The following CD36 variants were observed in gnomAD, a reference collection of about 807,000 sequenced individuals.
CD36 encodes the protein CD36 molecule (CD36 blood group).
A neutral mutation model predicts 55.2 loss-of-function variants in CD36; 119 were observed. That is an observed-to-expected ratio of 2.15 (90% CI 1.86 to 2.51). CD36 has a LOEUF of 2.51. Among genes scored for constraint, CD36 ranks in the 30% most tolerant of loss-of-function variants. CD36 has a pLI of 0.00. For missense variants in CD36, 819 were observed against 555.5 expected (o/e 1.47, Z -4.77); for synonymous variants, 186 against 193.6 (o/e 0.96, Z 0.33).
Position 80,656,593 on chromosome 7 carries a change from C to T in CD36, c.174C>T (p.Gly58=), listed in dbSNP as rs150750507. The part of the protein sequence containing the change: ...TIAFKNWVKT[G]TEVYRQFWIF... ...CTTTTAAAAATTGGGTTAAAACAGG[C>T]ACAGAAGTTTACAGACAGTTTTGGA... Residue 58 remains glycine (G), a synonymous_variant, in exon 4 of 15, where the codon GGC becomes GGT. Coordinates refer to ENST00000447544, the MANE Select transcript of CD36 (RefSeq NM_001001548.3). 6.2e-7 allele frequency: 1 copy of T among 1,613,636 alleles called. No homozygotes were observed. Among genetic ancestry groups the T allele is most frequent in the African/African-American group, 1.3e-5 (1 of 75,004 alleles).
intron 1 of CD36, among the ~76,000 whole-genome samples, chr7:80,626,992 AG>A: frequency 6.6e-6 from 1 of 152,060 alleles, no homozygotes; most frequent in East Asian, 1.9e-4. Flanking sequence ...TTTTTATCAC[AG>A]TCAATAGCAG....
rs1165767460 is a variant in CD36 at position 80,667,747 on chromosome 7, G to GTTTTTT, written c.748+1274_748+1279dup. Among the ~76,000 whole-genome samples, 348 of 82,598 alleles carry GTTTTTT rather than the reference G, an allele frequency of 4.2e-3. 7 individuals carry two copies. The highest frequency in any genetic ancestry group is 6.3e-3 in the Admixed American group (51 of 8,064). 54.2% of individuals were successfully genotyped at this position (82,598 alleles called of 152,430 possible). On this transcript the variant is annotated intron_variant, in intron 8 of 14. Transcript: ENST00000447544. ...GTTGGATTTGCAGGGGTTTTCTTTT[G>GTTTTTT]TTTTTTTTTTTTTTTTTTTTTGAGA...
At position 80,638,700 on chromosome 7, in the gene CD36, A is replaced by G. The variant is rs1014815415; in HGVS notation, c.-230A>G. Reference sequence around the variant, plus strand: ...CATTTGATCCTATTAAGAATTGTCCAAATGTTGGAGCATTTGATTGAAAAA... The same window carrying G: ...CATTTGATCCTATTAAGAATTGTCCGAATGTTGGAGCATTTGATTGAAAAA... On this transcript the variant is annotated 5_prime_UTR_variant, in exon 1 of 15. Coordinates refer to ENST00000447544, the MANE Select transcript of CD36 (RefSeq NM_001001548.3). The G allele has an allele frequency of 6.6e-5, 10 of 152,070 alleles. No individual in the cohort carries two copies. Among genetic ancestry groups the G allele is most frequent in the African/African-American group, 2.4e-4 (10 of 41,538 alleles). 9.4% of individuals were successfully genotyped at this position (152,070 alleles called of 1,614,324 possible).
chr7:80,663,297 T>C (rs1043394636), intron 6 of CD36, 128 bp downstream of exon 6: 5 of 803,976 alleles, frequency 6.2e-6, no homozygotes, highest in Non-Finnish European at 1.0e-5. Context: ...ATATCCTAAC[T>C]TTTTAAAAAG....
intron 1 of CD36, among the ~76,000 whole-genome samples, chr7:80,619,561 C>T (rs1036801159): frequency 4.0e-5 from 6 of 150,000 alleles, no homozygotes; most frequent in African/African-American, 9.8e-5. Flanking sequence ...GCAGGAGAAT[C>T]GCTTGAACCC....
At chr7:80,618,211 G>A (rs113135983) in intron 1 of CD36, among the ~76,000 whole-genome samples, 1 of 152,082 alleles carries the variant, frequency 6.6e-6, no homozygotes, top group Non-Finnish European at 1.5e-5. Context: ...ACCTCACAGA[G>A]CATCATTTTT....
intron 1 of CD36, among the ~76,000 whole-genome samples, chr7:80,603,572 CAA>C (rs1326274713): frequency 6.6e-6 from 1 of 151,840 alleles, no homozygotes; most frequent in Non-Finnish European, 1.5e-5. Flanking sequence ...GTAATCCTGA[CAA>C]GAGGAAAGGA....
chr7:80,606,841 C>A (rs1437187829), intron 1 of CD36, among the ~76,000 whole-genome samples: 1 of 152,148 alleles, frequency 6.6e-6, no homozygotes, highest in African/African-American at 2.4e-5. Flanking sequence ...TGGTTACCAG[C>A]TGGTGGTAAA....
intron 1 of CD36, among the ~76,000 whole-genome samples, chr7:80,606,844 G>C (rs1032156241): frequency 2.6e-5 from 4 of 152,134 alleles, no homozygotes; most frequent in Non-Finnish European, 5.9e-5. Context: ...TTACCAGCTG[G>C]TGGTAAAAGT....
Position 80,610,732 on chromosome 7 carries a change from G to A in CD36, c.-184+8353G>A, listed in dbSNP as rs561724813. Among the ~76,000 whole-genome samples, 318 of 152,052 alleles carry A rather than the reference G, an allele frequency of 2.1e-3. 1 individual carries two copies. Among genetic ancestry groups the A allele is most frequent in the African/African-American group, 7.2e-3 (300 of 41,480 alleles). ...TGGGACTACAGGCGCCCGCCACCAC[G>A]CCTGGCTAATTTTTTGGATTTTTAC... On this transcript the variant is annotated intron_variant, in intron 1 of 13. Coordinates refer to the CD36 transcript ENST00000309881.
rs958616073 is a variant in CD36 at position 80,670,985 on chromosome 7, A to G, written c.827A>G (p.Tyr276Cys). 3.7e-6 allele frequency: 6 copies of G among 1,611,482 alleles called. No individual in the cohort carries two copies. In the Admixed American group the frequency reaches 5.0e-5, roughly 13 times the overall value. ...FFSSDICRSI[Y>C]AVFESDVNLK... is the part of the protein sequence containing the mutation. ...TTTTTCTCTGTATTTAGGTCAATCT[A>G]TGCTGTATTTGAATCCGACGTTAAT... is the stretch of plus-strand genomic sequence containing the variant. The change falls in exon 10 of 15, where the codon TAT becomes TGT. Residue 276 changes from tyrosine (Y) to cysteine (C), a missense_variant. By Grantham distance (194) the Tyr-to-Cys change is radical. Coordinates refer to ENST00000447544, the MANE Select transcript of CD36 (RefSeq NM_001001548.3).
intron 1 of CD36, among the ~76,000 whole-genome samples, chr7:80,642,873 ACTGT>A (rs1794911499): frequency 6.6e-6 from 1 of 152,184 alleles, no homozygotes; most frequent in Non-Finnish European, 1.5e-5. Flanking sequence ...TAGATTGAGA[ACTGT>A]CTAACCATAG....
At chr7:80,612,059 T>G (rs1484592015) in intron 1 of CD36, among the ~76,000 whole-genome samples, 2 of 152,224 alleles carry the variant, frequency 1.3e-5, no homozygotes, top group Non-Finnish European at 2.9e-5. Flanking sequence ...CAGCAAGACC[T>G]AGCTAATAAT....
chr7:80,626,964 A>G (rs1793778026), intron 1 of CD36, among the ~76,000 whole-genome samples: 1 of 151,968 alleles, frequency 6.6e-6, no homozygotes, highest in African/African-American at 2.4e-5. Context: ...TTATCTCCCT[A>G]TTGATTCCAA....
intron 1 of CD36, among the ~76,000 whole-genome samples, chr7:80,631,055 G>A (rs552430797): frequency 6.6e-6 from 1 of 151,996 alleles, no homozygotes; most frequent in Non-Finnish European, 1.5e-5. Flanking sequence ...CATCGTGTCC[G>A]AGAAGTCTCT....
rs941185587 is a variant in CD36 at position 80,673,868 on chromosome 7, G to A, written c.1255-115G>A. ...AGGAATTCCATTAACTTGCCTTATA[G>A]ATACTGATGACTAACACCAATAGAG... On this transcript the variant is annotated intron_variant, in intron 13 of 14. Transcript: ENST00000447544. 61 of 782,680 alleles carry A rather than the reference G, an allele frequency of 7.8e-5. 2 individuals are homozygous for A. In the South Asian group the frequency reaches 8.0e-4, roughly 10 times the overall value. 48.5% of individuals were successfully genotyped at this position (782,680 alleles called of 1,614,324 possible). A position where few individuals can be genotyped will look rare whatever the true frequency, so the allele number is the denominator to read the frequency against.
intron 4 of CD36, among the ~76,000 whole-genome samples, chr7:80,659,393 A>G (rs765859131): frequency 5.3e-5 from 8 of 152,194 alleles, no homozygotes; most frequent in Non-Finnish European, 1.0e-4. Flanking sequence ...GTGTGTTTCT[A>G]CCTACACCAT....
At chr7:80,606,237 G>T (rs1268120680) in intron 1 of CD36, among the ~76,000 whole-genome samples, 2 of 151,934 alleles carry the variant, frequency 1.3e-5, no homozygotes, top group Admixed American at 1.3e-4. Context: ...CCAAATTGAT[G>T]TAGAGCTCTA....
chr7:80,650,927 C>CA (rs59555088), intron 3 of CD36, among the ~76,000 whole-genome samples: 102,545 of 133,432 alleles, frequency 0.77, 40,230 homozygotes, highest in Middle Eastern at 0.9. Context: ...TGCAGTCTTT[C>CA]AAAAAAAAAA....
Sources: gnomAD v4.1 joint callset for allele counts (sites outside exome capture counted in the v4.1 genomes callset) on GRCh38, gnomAD v4.1.1 for gene constraint, MANE v1.5 for transcripts, NCBI Gene and HGNC (gene_info 2026-07-23, HGNC 2026-07-21) for gene names.